C2CD3: variants seen among roughly 807,000 people sequenced by gnomAD.
The protein encoded by C2CD3 is C2 domain-containing protein 3.
Under a neutral mutation model 234.0 loss-of-function variants are expected in C2CD3, and 148 were observed. That is an observed-to-expected ratio of 0.63 (90% confidence interval 0.55 to 0.72). The LOEUF is 0.72. C2CD3 is among the 30% of genes least tolerant of loss of function. C2CD3 has a pLI of 0.00. For synonymous variants in C2CD3, 1,000 were observed against 1,035.4 expected (o/e 0.97, Z 0.66); for missense variants, 2,577 against 2,811.5 (o/e 0.92, Z 1.89).
chr11:74,020,665 G>C (rs192086941), intron 32 of C2CD3, among the ~76,000 whole-genome samples: 10 of 152,340 alleles, frequency 6.6e-5, no homozygotes, highest in Admixed American at 2.0e-4. Context: ...CCAGGGAACT[G>C]TGAGTTCCCC....
intron 25 of C2CD3, among the ~76,000 whole-genome samples, chr11:74,056,492 T>G (rs2135438192): frequency 6.6e-6 from 1 of 152,306 alleles, no homozygotes; most frequent in South Asian, 2.1e-4. Context: ...ATATGTACCA[T>G]GAGGCCCTAA....
intron 26 of C2CD3, among the ~76,000 whole-genome samples, chr11:74,053,569 A>C (rs1235824008): frequency 6.6e-6 from 1 of 152,228 alleles, no homozygotes; most frequent in Admixed American, 6.5e-5. Context: ...CCTCTTGGGA[A>C]GGTTCTTAAA....
chr11:74,114,484 T>C lies in C2CD3; in HGVS notation c.1630A>G (p.Ile544Val), dbSNP rs1956860443. 6.2e-7 allele frequency: 1 copy of C among 1,613,800 alleles called. No homozygotes were observed. The highest frequency in any genetic ancestry group is 1.3e-5 in the African/African-American group (1 of 74,932). The stretch of plus-strand genomic sequence containing the variant: ...GGAGGAACTCCCATGGTTTCGATGA[T>C]GATTCTGACTGAATGTGTTCTACCC... ...LLGRTHSVRI[I>V]IETMGVPPDS... is the part of the protein sequence containing the mutation. Residue 544 changes from isoleucine (I) to valine (V), a missense_variant, in exon 10 of 33, where the codon ATC (isoleucine) becomes GTC (valine). By Grantham distance (29) the Ile-to-Val change is conservative (BLOSUM62 3). Coordinates refer to ENST00000334126, the MANE Select transcript of C2CD3 (RefSeq NM_001286577.2).
intron 31 of C2CD3, 97 bp from the exon 32 acceptor site, chr11:74,028,495 T>C: frequency 1.4e-6 from 1 of 729,070 alleles, no homozygotes; most frequent in Admixed American, 2.9e-5. Context: ...CCCCCACTCA[T>C]GTTTTTCCCT....
At chr11:74,062,692 C>T (rs1954303935) in intron 24 of C2CD3, among the ~76,000 whole-genome samples, 1 of 151,506 alleles carries the variant, frequency 6.6e-6, no homozygotes, top group Non-Finnish European at 1.5e-5. Flanking sequence ...AAAATTGACA[C>T]CCTAACATCA....
chr11:74,105,513 T>C (rs1956484684), intron 13 of C2CD3, among the ~76,000 whole-genome samples: 1 of 152,160 alleles, frequency 6.6e-6, no homozygotes, highest in African/African-American at 2.4e-5. Flanking sequence ...TCCGGCAATC[T>C]GCCCGCCTTG....
chr11:74,015,228 CT>C (rs2135396839), intron 32 of C2CD3, among the ~76,000 whole-genome samples: 1 of 152,340 alleles, frequency 6.6e-6, no homozygotes, highest in East Asian at 1.9e-4. Flanking sequence ...AGCCTGGGAG[CT>C]GCTAGACCAG....
rs905987104 is a variant in C2CD3 at position 74,033,417 on chromosome 11, G to T, written c.6743C>A (p.Ser2248Tyr). The change falls in exon 31 of 33, where the codon TCC becomes TAC. Residue 2248 changes from serine (S) to tyrosine (Y), a missense_variant. Physicochemically the swap from Ser to Tyr is moderately radical, Grantham distance 144 (BLOSUM62 -2). Coordinates refer to ENST00000334126, the MANE Select transcript of C2CD3 (RefSeq NM_001286577.2). ...CACCTGCCTCTGCCTGATGTCAGAG[G>T]AGTCGATGGGTGGTCCCTTATGGTT... ...RENHKGPPIDSSDIRQRQVTT... is the reference protein window; with the variant it reads ...RENHKGPPIDYSDIRQRQVTT... 1.3e-6 allele frequency: 2 copies of T among 1,536,074 alleles called. No individual in the cohort carries two copies. Among genetic ancestry groups the T allele is most frequent in the Non-Finnish European group, 1.7e-6 (2 of 1,146,930 alleles).
At chr11:74,139,326 C>G (rs564103666) in intron 4 of C2CD3, among the ~76,000 whole-genome samples, 8 of 152,338 alleles carry the variant, frequency 5.3e-5, no homozygotes, top group African/African-American at 1.9e-4. Context: ...TCATGAACAT[C>G]TGTCCTGCAT....
At chr11:74,058,858 A>T (rs1954080084) in intron 24 of C2CD3, among the ~76,000 whole-genome samples, 1 of 151,992 alleles carries the variant, frequency 6.6e-6, no homozygotes, top group East Asian at 1.9e-4. Context: ...AAGATAAAAA[A>T]TTTACTTCCT....
intron 1 of C2CD3, among the ~76,000 whole-genome samples, chr11:74,170,520 A>C (rs1306026328): frequency 6.6e-6 from 1 of 152,114 alleles, no homozygotes; most frequent in Non-Finnish European, 1.5e-5. Context: ...GGTAACCTTC[A>C]TCTCATTAAT....
intron 32 of C2CD3, among the ~76,000 whole-genome samples, chr11:74,018,918 C>T (rs1019587455): frequency 6.6e-6 from 1 of 152,162 alleles, no homozygotes; most frequent in Non-Finnish European, 1.5e-5. Flanking sequence ...TGCCACACCC[C>T]ACCTGATGCC....
intron 24 of C2CD3, among the ~76,000 whole-genome samples, chr11:74,065,441 T>A (rs1280465705): frequency 6.6e-6 from 1 of 152,118 alleles, no homozygotes; most frequent in Non-Finnish European, 1.5e-5. Flanking sequence ...GTGGAGAAAC[T>A]GGAACACTTT....
At chr11:74,017,682 T>A (rs770496009) in intron 32 of C2CD3, among the ~76,000 whole-genome samples, 21 of 152,174 alleles carry the variant, frequency 1.4e-4, no homozygotes, top group Non-Finnish European at 3.1e-4. Flanking sequence ...CTGAATGGGA[T>A]CAGGATGAGC....
intron 20 of C2CD3, among the ~76,000 whole-genome samples, chr11:74,086,780 A>C (rs1283819573): frequency 6.6e-6 from 1 of 152,178 alleles, no homozygotes; most frequent in African/African-American, 2.4e-5. Context: ...CCCTTTCCCT[A>C]AACTCCCCAA....
At chr11:74,113,611 T>C (rs1956819730) in intron 11 of C2CD3, 169 bp downstream of exon 11, 4 of 595,702 alleles carry the variant, frequency 6.7e-6, no homozygotes, top group East Asian at 3.0e-5. Flanking sequence ...ACCCGGGAGG[T>C]GGAGGCTGCA....
At chr11:74,088,933 C>T (rs1379064581) in intron 20 of C2CD3, among the ~76,000 whole-genome samples, 1 of 152,140 alleles carries the variant, frequency 6.6e-6, no homozygotes, top group Admixed American at 6.5e-5. Context: ...CTAAAGAAGG[C>T]TGTATACAAC....
intron 32 of C2CD3, 94 bp downstream of exon 32, chr11:74,028,193 G>T: frequency 1.1e-6 from 1 of 890,094 alleles, no homozygotes; most frequent in Non-Finnish European, 1.7e-6. Context: ...AGCCTTTCCA[G>T]GAAGATGACC....
intron 29 of C2CD3, among the ~76,000 whole-genome samples, chr11:74,040,344 A>C (rs1397925812): frequency 6.6e-6 from 1 of 152,214 alleles, no homozygotes; most frequent in Non-Finnish European, 1.5e-5. Flanking sequence ...GGTGCCAAAA[A>C]GGTTGGGGCT....
Sources: allele counts gnomAD v4.1 joint callset (sites outside exome capture counted in the v4.1 genomes callset), GRCh38; gene constraint gnomAD v4.1.1; transcripts MANE v1.5; gene names NCBI Gene and HGNC (gene_info 2026-07-23, HGNC 2026-07-21).